The following TAFA1 variants were observed in gnomAD, a reference collection of about 807,000 sequenced individuals.
TAFA1 encodes TAFA chemokine like family member 1.
In TAFA1, 4 loss-of-function variants were observed where a neutral mutation model predicts 18.5. The observed-to-expected ratio is 0.22, with a 90% confidence interval of 0.11 to 0.49. The LOEUF (loss-of-function observed/expected upper bound fraction) is 0.49, where lower values mean the gene tolerates loss of function less well. Among genes scored for constraint, TAFA1 ranks in the 20% least tolerant of loss-of-function variants. The pLI, the probability that TAFA1 is intolerant of heterozygous loss-of-function variation, is 0.98. For missense variants in TAFA1, 147 were observed against 169.0 expected, an observed-to-expected ratio of 0.87 and a Z score of 0.72; for synonymous variants, 56 against 55.2, an observed-to-expected ratio of 1.01 and a Z score of -0.06.
chr3:68,480,488 G>A (rs1018451633), intron 3 of TAFA1, among the ~76,000 whole-genome samples: 21 of 152,212 alleles, frequency 1.4e-4, no homozygotes, highest in African/African-American at 3.6e-4. Flanking sequence ...AGTGCAGTAC[G>A]GTAATCTCTG....
chr3:68,451,494 A>C (rs796558925), intron 3 of TAFA1, among the ~76,000 whole-genome samples: 1 of 152,214 alleles, frequency 6.6e-6, no homozygotes, highest in East Asian at 1.9e-4. Context: ...GGTGCTGAAG[A>C]CAGTCCTGCA....
At chr3:68,488,906 G>C (rs2072399500) in intron 3 of TAFA1, among the ~76,000 whole-genome samples, 1 of 152,156 alleles carries the variant, frequency 6.6e-6, no homozygotes, top group Admixed American at 6.5e-5. Flanking sequence ...AAGTGAACAT[G>C]TGGCTCTGTT....
chr3:68,536,749 A>C (rs1357419174), intron 3 of TAFA1, among the ~76,000 whole-genome samples: 1 of 152,186 alleles, frequency 6.6e-6, no homozygotes, highest in Non-Finnish European at 1.5e-5. Flanking sequence ...TATTTAGTAC[A>C]TACACTAAAT....
chr3:68,204,127 A>G (rs1038712931), intron 2 of TAFA1, among the ~76,000 whole-genome samples: 2 of 151,638 alleles, frequency 1.3e-5, no homozygotes, highest in Non-Finnish European at 2.9e-5. Flanking sequence ...TGTCTTTCCA[A>G]TTCTGGGGAC....
intron 2 of TAFA1, among the ~76,000 whole-genome samples, chr3:68,098,377 T>C (rs112938764): frequency 0.014 from 2,144 of 152,212 alleles, 146 homozygotes; most frequent in Admixed American, 0.12. Flanking sequence ...TTGCTAGATC[T>C]CCCAGAGGTT....
At chr3:68,244,581 G>A (rs2067042087) in intron 2 of TAFA1, among the ~76,000 whole-genome samples, 1 of 151,796 alleles carries the variant, frequency 6.6e-6, no homozygotes, top group Admixed American at 6.6e-5. Flanking sequence ...TTGCTATTTT[G>A]CCCAGGCTGG....
intron 2 of TAFA1, among the ~76,000 whole-genome samples, chr3:68,253,647 C>T (rs2067239212): frequency 6.6e-6 from 1 of 152,150 alleles, no homozygotes; most frequent in African/African-American, 2.4e-5. Context: ...GGTTATGTTT[C>T]AACTTTCTGG....
chr3:68,479,301 T>C (rs1217402842), intron 3 of TAFA1, among the ~76,000 whole-genome samples: 2 of 150,382 alleles, frequency 1.3e-5, no homozygotes, highest in African/African-American at 4.9e-5. Flanking sequence ...TACACACATA[T>C]ACACTAATAT....
At chr3:68,390,964 C>G (rs1246145381) in intron 2 of TAFA1, among the ~76,000 whole-genome samples, 1 of 152,126 alleles carries the variant, frequency 6.6e-6, no homozygotes, top group Non-Finnish European at 1.5e-5. Context: ...TCCAAAGGAT[C>G]ACAACTCCTG....
chr3:68,377,425 G>C (rs2069840148), intron 2 of TAFA1, among the ~76,000 whole-genome samples: 1 of 152,172 alleles, frequency 6.6e-6, no homozygotes, highest in Non-Finnish European at 1.5e-5. Context: ...TTAGCAAAAA[G>C]ACTGGCAGCA....
At chr3:68,082,485 C>T (rs769136088) in intron 2 of TAFA1, among the ~76,000 whole-genome samples, 1 of 152,204 alleles carries the variant, frequency 6.6e-6, no homozygotes, top group African/African-American at 2.4e-5. Flanking sequence ...TAAAATATAA[C>T]ATTTTCTAGC....
intron 3 of TAFA1, among the ~76,000 whole-genome samples, 151 bp from the exon 4 acceptor site, chr3:68,538,604 AT>A (rs1418242566): frequency 1.3e-5 from 2 of 152,116 alleles, no homozygotes; most frequent in South Asian, 2.1e-4. Flanking sequence ...TTAAAATCTT[AT>A]TTTTTTAATA....
chr3:68,408,494 A>C (rs1054433830), intron 2 of TAFA1, among the ~76,000 whole-genome samples: 1 of 152,322 alleles, frequency 6.6e-6, no homozygotes, highest in African/African-American at 2.4e-5. Flanking sequence ...ACATATCCAC[A>C]TAATGGATAT....
intron 2 of TAFA1, among the ~76,000 whole-genome samples, chr3:68,300,483 G>T (rs1225299789): frequency 1.3e-5 from 2 of 152,194 alleles, no homozygotes; most frequent in Non-Finnish European, 2.9e-5. Flanking sequence ...ATTCCTAGGT[G>T]GAAGGGAGAC....
At chr3:68,450,829 G>A (rs2071556833) in intron 3 of TAFA1, among the ~76,000 whole-genome samples, 1 of 152,122 alleles carries the variant, frequency 6.6e-6, no homozygotes, top group Non-Finnish European at 1.5e-5. Flanking sequence ...TGTAGCAAGT[G>A]TTATGTAATT....
chr3:68,102,036 A>G (rs1457122581), intron 2 of TAFA1, among the ~76,000 whole-genome samples: 1 of 152,162 alleles, frequency 6.6e-6, no homozygotes, highest in Non-Finnish European at 1.5e-5. Flanking sequence ...AAAAATAAAA[A>G]TGCATTACAG....
At chr3:68,301,141 A>T (rs1211730677) in intron 2 of TAFA1, among the ~76,000 whole-genome samples, 1 of 152,050 alleles carries the variant, frequency 6.6e-6, no homozygotes, top group Non-Finnish European at 1.5e-5. Context: ...TTTCAATCCT[A>T]ACCCCACCCC....
intron 2 of TAFA1, among the ~76,000 whole-genome samples, chr3:68,384,285 T>A (rs1296397076): frequency 6.6e-6 from 1 of 152,156 alleles, no homozygotes; most frequent in East Asian, 1.9e-4. Flanking sequence ...TAACTTGAGA[T>A]CTTTCTTTAT....
chr3:68,408,577 T>G (rs963759058), intron 2 of TAFA1, among the ~76,000 whole-genome samples: 2 of 152,218 alleles, frequency 1.3e-5, no homozygotes, highest in Non-Finnish European at 2.9e-5. Context: ...CTTCCTATTT[T>G]CCTTTTCTTT....
Sources: allele counts gnomAD v4.1 joint callset (sites outside exome capture counted in the v4.1 genomes callset), GRCh38; gene constraint gnomAD v4.1.1; transcripts MANE v1.5; gene names NCBI Gene and HGNC (gene_info 2026-07-23, HGNC 2026-07-21).